The following ZNF385D variants were observed in gnomAD, a reference collection of about 807,000 sequenced individuals.
ZNF385D encodes the protein zinc finger protein 659.
A neutral mutation model predicts 35.8 loss-of-function variants in ZNF385D; 15 were observed. The observed-to-expected ratio is 0.42, with a 90% CI of 0.28 to 0.64. The LOEUF is 0.64. Among genes scored for constraint, ZNF385D ranks in the 30% least tolerant of loss-of-function variants. ZNF385D has a pLI of 0.23. For missense variants in ZNF385D, 474 were observed against 494.6 expected (o/e 0.96, Z 0.39); for synonymous variants, 212 against 186.8 (o/e 1.13, Z -1.10).
chr3:22,343,700 C>T (rs1172349187), intron 2 of ZNF385D, among the ~76,000 whole-genome samples: 3 of 152,184 alleles, frequency 2.0e-5, no homozygotes, highest in African/African-American at 7.2e-5. Flanking sequence ...AAATTTCCAT[C>T]CTGATTAAGC....
intron 2 of ZNF385D, among the ~76,000 whole-genome samples, chr3:22,252,666 G>A (rs1700122031): frequency 6.6e-6 from 1 of 152,072 alleles, no homozygotes; most frequent in South Asian, 2.1e-4. Context: ...GAGAAGCAGA[G>A]AAGCTGGCTT....
chr3:21,869,987 T>A (rs1427466195), intron 3 of ZNF385D, among the ~76,000 whole-genome samples: 1 of 152,162 alleles, frequency 6.6e-6, no homozygotes, highest in African/African-American at 2.4e-5. Context: ...AAGATATATT[T>A]TTATATCCCA....
At chr3:21,713,286 G>A (rs148943740) in intron 1 of ZNF385D, among the ~76,000 whole-genome samples, 1 of 152,300 alleles carries the variant, frequency 6.6e-6, no homozygotes, top group Non-Finnish European at 1.5e-5. Context: ...ACCTGCACTT[G>A]TCCATAGCAG....
At chr3:21,704,745 C>A (rs1228318982) in intron 1 of ZNF385D, among the ~76,000 whole-genome samples, 1 of 152,122 alleles carries the variant, frequency 6.6e-6, no homozygotes, top group Non-Finnish European at 1.5e-5. Context: ...ATGTTTTGTT[C>A]ATCACAGTAT....
In ZNF385D at chr3:21,436,796, C is replaced by T. The variant is rs575122492; in HGVS notation, c.673+174G>A. The T allele has an allele frequency of 4.9e-5, 32 of 650,542 alleles. No individual in the cohort carries two copies. The East Asian group carries it at 8.5e-4, about 17-fold the overall frequency. 40.3% of individuals were successfully genotyped at this position (650,542 alleles called of 1,614,324 possible). On this transcript the variant is annotated intron_variant, in intron 5 of 7. Transcript: ENST00000281523. ...TCGAGCCCTGGAAACCACCCCTTGC[C>T]CCTATATAAATGACACTTTGCTCGT...
intron 2 of ZNF385D, among the ~76,000 whole-genome samples, chr3:21,653,410 C>T (rs2065979581): frequency 6.6e-6 from 1 of 151,976 alleles, no homozygotes; most frequent in Non-Finnish European, 1.5e-5. Flanking sequence ...TCCTGATACA[C>T]ATATGTAAGA....
At chr3:21,732,827 T>C (rs1435941996) in intron 1 of ZNF385D, among the ~76,000 whole-genome samples, 2 of 152,194 alleles carry the variant, frequency 1.3e-5, no homozygotes, top group Non-Finnish European at 2.9e-5. Flanking sequence ...AAACATTTTC[T>C]CCCTGTCTGT....
intron 3 of ZNF385D, among the ~76,000 whole-genome samples, chr3:22,130,660 C>T (rs1703730168): frequency 1.3e-5 from 2 of 152,132 alleles, no homozygotes; most frequent in South Asian, 4.1e-4. Context: ...TTCTCTCTTC[C>T]CACACCATTT....
At chr3:22,012,014 T>A (rs1483380798) in intron 3 of ZNF385D, among the ~76,000 whole-genome samples, 1 of 152,138 alleles carries the variant, frequency 6.6e-6, no homozygotes, top group Non-Finnish European at 1.5e-5. Context: ...CATAACATAA[T>A]CAGTACATGT....
chr3:22,223,054 G>T (rs1197144278), intron 2 of ZNF385D, among the ~76,000 whole-genome samples: 1 of 151,920 alleles, frequency 6.6e-6, no homozygotes, highest in African/African-American at 2.4e-5. Flanking sequence ...AAGATATTAA[G>T]GGTTTAATCT....
At chr3:21,663,357 T>A (rs950752933) in intron 2 of ZNF385D, among the ~76,000 whole-genome samples, 1 of 152,114 alleles carries the variant, frequency 6.6e-6, no homozygotes, top group Admixed American at 6.6e-5. Flanking sequence ...AAATCCAGCC[T>A]TTTATGGCCT....
intron 2 of ZNF385D, among the ~76,000 whole-genome samples, chr3:22,214,480 C>G (rs547749416): frequency 5.5e-4 from 84 of 152,048 alleles, no homozygotes; most frequent in Admixed American, 1.3e-3. Context: ...CGCCGCTGAG[C>G]CAGGCGGAAC....
intron 3 of ZNF385D, among the ~76,000 whole-genome samples, chr3:22,075,965 C>T (rs944110477): frequency 2.0e-5 from 3 of 151,894 alleles, no homozygotes; most frequent in East Asian, 1.9e-4. Flanking sequence ...TTCTTTAATT[C>T]CCCATGCCCA....
chr3:21,499,643 T>A (rs568212351), intron 4 of ZNF385D, among the ~76,000 whole-genome samples: 1 of 150,770 alleles, frequency 6.6e-6, no homozygotes, highest in East Asian at 1.9e-4. Context: ...GGGTTTTTAA[T>A]TTGAAAAAAA....
At chr3:21,693,212 C>T (rs545295113) in intron 1 of ZNF385D, among the ~76,000 whole-genome samples, 97 of 152,258 alleles carry the variant, frequency 6.4e-4, no homozygotes, top group Admixed American at 1.0e-3. Context: ...TAACATCCTA[C>T]GGTGACACTC....
chr3:21,544,573 AAG>A (rs1314461721), intron 3 of ZNF385D, among the ~76,000 whole-genome samples: 1 of 152,194 alleles, frequency 6.6e-6, no homozygotes, highest in African/African-American at 2.4e-5. Flanking sequence ...AATCTTGAAA[AAG>A]AGGTTCTCTG....
chr3:21,624,742 G>A (rs774468610), intron 2 of ZNF385D, among the ~76,000 whole-genome samples: 21 of 152,166 alleles, frequency 1.4e-4, no homozygotes, highest in South Asian at 4.1e-4. Flanking sequence ...CCAGGAAAAC[G>A]TTGAGTCAGT....
chr3:22,175,717 G>A (rs1396461277), intron 2 of ZNF385D, among the ~76,000 whole-genome samples: 1 of 151,408 alleles, frequency 6.6e-6, no homozygotes, highest in Non-Finnish European at 1.5e-5. Context: ...GCTTACATCT[G>A]TATATGCATA....
chr3:21,929,261 A>T (rs1700887861), intron 3 of ZNF385D, among the ~76,000 whole-genome samples: 2 of 152,134 alleles, frequency 1.3e-5, no homozygotes, highest in South Asian at 4.1e-4. Context: ...ACAAAATATT[A>T]TACTCATTTA....
Sources: allele counts gnomAD v4.1 joint callset (sites outside exome capture counted in the v4.1 genomes callset), GRCh38; gene constraint gnomAD v4.1.1; transcripts MANE v1.5; gene names NCBI Gene and HGNC (gene_info 2026-07-23, HGNC 2026-07-21).